RRH: variants seen among roughly 807,000 people sequenced by gnomAD.
The protein encoded by RRH is visual pigment-like receptor peropsin.
Under a neutral mutation model 33.1 loss-of-function variants are expected in RRH, and 36 were observed. The ratio of observed to expected loss-of-function variants is 1.09; its 90% confidence interval spans 0.83 to 1.44. The LOEUF (loss-of-function observed/expected upper bound fraction) is 1.44. RRH is among the 40% of genes most tolerant of loss of function. The pLI is 0.00. For synonymous variants in RRH, 124 were observed against 140.2 expected (o/e 0.88, Z 0.82); for missense variants, 393 against 420.2 (o/e 0.94, Z 0.57).
In RRH at chr4:109,835,316, T is replaced by A. The variant is rs1044826767; in HGVS notation, c.298-50T>A. The A allele has an allele frequency of 2.4e-6, 3 of 1,257,112 alleles. No individual in the cohort carries two copies. In the African/African-American group the frequency reaches 4.4e-5, roughly 18 times the overall value. The allele number at this position is 1,257,112 out of a possible 1,614,324, so 77.9% of individuals were successfully genotyped here. On this transcript the variant is annotated intron_variant, in intron 2 of 6. Coordinates refer to ENST00000317735, the MANE Select transcript of RRH (RefSeq NM_006583.5). ...TAACAATGGACAAAAATTTAATGTT[T>A]CTTGGGAGGGTGTTTAGAATGGTAG...
At chr4:109,840,099 T>G (rs1433979988) in intron 5 of RRH, among the ~76,000 whole-genome samples, 1 of 152,178 alleles carries the variant, frequency 6.6e-6, no homozygotes, top group Non-Finnish European at 1.5e-5. Context: ...AGTGTAAAAG[T>G]GTTTTTTTCC....
At chr4:109,835,949 TA>T in intron 3 of RRH, 57 bp from the exon 4 acceptor site, 7 of 1,605,068 alleles carry the variant, frequency 4.4e-6, no homozygotes, top group Non-Finnish European at 6.0e-6. Context: ...CAAGCAAGTT[TA>T]AAAAGTGAGT....
chr4:109,836,715 G>T (rs1166901076), intron 4 of RRH, among the ~76,000 whole-genome samples: 1 of 151,944 alleles, frequency 6.6e-6, no homozygotes, highest in Non-Finnish European at 1.5e-5. Flanking sequence ...AACATGAACA[G>T]AAAATTTCTA....
intron 4 of RRH, among the ~76,000 whole-genome samples, chr4:109,837,042 G>A (rs1469062955): frequency 6.6e-6 from 1 of 152,072 alleles, no homozygotes; most frequent in Non-Finnish European, 1.5e-5. Flanking sequence ...AGACGTGATT[G>A]CACCGCTGCA....
At chr4:109,832,826 A>C (rs908344005) in intron 1 of RRH, among the ~76,000 whole-genome samples, 1 of 152,168 alleles carries the variant, frequency 6.6e-6, no homozygotes. Flanking sequence ...TGTCCTAAAA[A>C]TCAGTAGGAA....
chr4:109,833,569 G>T (rs936968236), intron 2 of RRH, among the ~76,000 whole-genome samples: 5 of 152,040 alleles, frequency 3.3e-5, no homozygotes, highest in Non-Finnish European at 5.9e-5. Context: ...AAAATAACTA[G>T]CATTCAACCA....
chr4:109,842,903 A>C (rs956507078), intron 6 of RRH, among the ~76,000 whole-genome samples: 1 of 152,182 alleles, frequency 6.6e-6, no homozygotes, highest in African/African-American at 2.4e-5. Flanking sequence ...CCCAAATGCC[A>C]ATTGCATCTC....
Position 109,835,476 on chromosome 4 carries a change from T to A in RRH, c.397+11T>A. 6.3e-7 allele frequency: 1 copy of A among 1,580,296 alleles called. No individual in the cohort carries two copies. Among genetic ancestry groups the A allele is most frequent in the Non-Finnish European group, 8.7e-7 (1 of 1,149,278 alleles). On this transcript the variant is annotated intron_variant, in intron 3 of 6. Transcript: ENST00000317735. ...GCCTTCCTGACGTAGGTACAACACTTTTCTCAGCTTTCTTAATGAATCCAT... is the reference window on the plus strand; with the variant it reads ...GCCTTCCTGACGTAGGTACAACACTATTCTCAGCTTTCTTAATGAATCCAT...
At position 109,833,216 on chromosome 4, in the gene RRH, G is replaced by A. The variant is rs774030461; in HGVS notation, c.184G>A (p.Ala62Thr). The A allele has an allele frequency of 4.3e-6, 7 of 1,613,800 alleles. No individual in the cohort carries two copies. The highest frequency in any genetic ancestry group is 5.9e-6 in the Non-Finnish European group (7 of 1,179,740). Residue 62 changes from alanine (A) to threonine (T), a missense_variant, in exon 2 of 7, where the codon GCA becomes ACA. By Grantham distance (58) the Ala-to-Thr change is moderately conservative (BLOSUM62 0). Transcript: ENST00000317735. ...CAAGGAACTTCGGACACCCACAAAT[G>A]CAATTATTATTAACCTGGCTGTTAC... ...KYKELRTPTN[A>T]IIINLAVTDI...
intron 3 of RRH, 148 bp downstream of exon 3, chr4:109,835,613 C>A (rs1733865166): frequency 2.8e-6 from 2 of 723,698 alleles, no homozygotes; most frequent in South Asian, 1.6e-5. Flanking sequence ...GTTTCAATGG[C>A]TTCTTATTGT....
intron 1 of RRH, among the ~76,000 whole-genome samples, chr4:109,832,647 T>C (rs150766828): frequency 1.5e-4 from 23 of 151,960 alleles, no homozygotes; most frequent in African/African-American, 5.6e-4. Flanking sequence ...AAAGAAGATA[T>C]GGAACTGGAG....
rs561417660 is a variant in RRH, at chr4:109,831,218, C to CA, written c.107-1920dup. ...AAAGTCATTGAATTTGTAGCTAGCC[C>CA]AGAAAGAGTCTTCATTTCATTAAAT... On this transcript the variant is annotated intron_variant, in intron 1 of 6. Coordinates refer to ENST00000317735, the MANE Select transcript of RRH (RefSeq NM_006583.5). 9.1e-4 allele frequency among the ~76,000 whole-genome samples: 139 copies of CA among 152,186 alleles called. 1 individual carries two copies. The highest frequency in any genetic ancestry group is 1.6e-3 in the Non-Finnish European group (106 of 68,002).
Position 109,833,770 on chromosome 4 carries a change from T to C in RRH, c.297+441T>C, listed in dbSNP as rs373601074. Among the ~76,000 whole-genome samples, 10 of 152,318 alleles carry C rather than the reference T, an allele frequency of 6.6e-5. No individual in the cohort carries two copies. In the East Asian group the frequency reaches 1.3e-3, roughly 21 times the overall value. On this transcript the variant is annotated intron_variant, in intron 2 of 6. Coordinates refer to ENST00000317735, the MANE Select transcript of RRH (RefSeq NM_006583.5). ...CATAAGAATTGTTACTAAATGTTAT[T>C]TTTTAGTAAAAAGGAAATGAGTTAA... is the stretch of plus-strand genomic sequence containing the variant.
At chr4:109,832,495 AGTGTGTGTGTGT>A (rs36127904) in intron 1 of RRH, among the ~76,000 whole-genome samples, 10 of 135,288 alleles carry the variant, frequency 7.4e-5, no homozygotes, top group Non-Finnish European at 9.3e-5. Context: ...CTATTGGGGT[AGTGTGTGTGTGT>A]GTGTGTGTGT....
intron 4 of RRH, 53 bp from the exon 5 acceptor site, chr4:109,837,383 TC>T: frequency 1.4e-6 from 2 of 1,424,908 alleles, no homozygotes; most frequent in Non-Finnish European, 2.0e-6. Flanking sequence ...TCTTTCTCCT[TC>T]CCCCACTTAG....
In RRH at chr4:109,844,147, A is replaced by G. The variant is rs745532104; in HGVS notation, c.964A>G (p.Ile322Val). The G allele has an allele frequency of 1.6e-5, 26 of 1,613,736 alleles. No individual in the cohort carries two copies. In the Admixed American group the frequency reaches 3.7e-4, roughly 23 times the overall value. The change falls in exon 7 of 7, where the codon ATT (isoleucine) becomes GTT (valine). Residue 322 changes from isoleucine to valine, a missense_variant. By Grantham distance (29) the Ile-to-Val change is conservative. Transcript: ENST00000317735. ...TCACCAAACAATGCCTGTGACAAGT[A>G]TTTTACCCATGGATGTATCTCAAAA... Reference protein sequence around the residue: ...QTHQTMPVTSILPMDVSQNPL... With the variant: ...QTHQTMPVTSVLPMDVSQNPL...
In RRH at chr4:109,844,293, T is replaced by C; in HGVS notation, c.*96T>C. The C allele has an allele frequency of 1.3e-6, 1 of 788,970 alleles. No individual in the cohort carries two copies. The highest frequency in any genetic ancestry group is 2.2e-6 in the Non-Finnish European group (1 of 453,728). The allele number at this position is 788,970 out of a possible 1,614,324, so 48.9% of individuals were successfully genotyped here. ...CATTTAGATCAAGTGCAGACATGGA[T>C]CATTGTCCTATGAGAGTGTAAGCTC... is the stretch of plus-strand genomic sequence containing the variant. On this transcript the variant is annotated 3_prime_UTR_variant, in exon 7 of 7. Coordinates refer to ENST00000317735, the MANE Select transcript of RRH (RefSeq NM_006583.5).
intron 1 of RRH, among the ~76,000 whole-genome samples, chr4:109,831,978 T>G (rs1343507615): frequency 3.9e-5 from 6 of 151,982 alleles, no homozygotes; most frequent in African/African-American, 1.5e-4. Context: ...AAGTTTTTAC[T>G]GAGCTGATGT....
chr4:109,840,167 G>A (rs191894769), intron 5 of RRH, among the ~76,000 whole-genome samples: 18 of 151,182 alleles, frequency 1.2e-4, no homozygotes, highest in Non-Finnish European at 2.4e-4. Context: ...ATTCTGACTG[G>A]TATGAGATTG....
Sources: gnomAD v4.1 joint callset for allele counts (sites outside exome capture counted in the v4.1 genomes callset) on GRCh38, gnomAD v4.1.1 for gene constraint, MANE v1.5 for transcripts, NCBI Gene and HGNC (gene_info 2026-07-23, HGNC 2026-07-21) for gene names.